The following KCNMA1 variants were observed in gnomAD, a reference collection of about 807,000 sequenced individuals.
KCNMA1 encodes potassium calcium-activated channel subfamily M alpha 1.
A neutral mutation model predicts 140.0 loss-of-function variants in KCNMA1; 29 were observed. The observed-to-expected ratio is 0.21, with a 90% CI of 0.15 to 0.28. The LOEUF is 0.28. KCNMA1 is among the 10% of genes least tolerant of loss of function. KCNMA1 has a pLI of 1.00. For synonymous variants in KCNMA1, 612 were observed against 611.9 expected, an observed-to-expected ratio of 1.00 and a Z score of 0.00; for missense variants, 880 against 1,602.2, an observed-to-expected ratio of 0.55 and a Z score of 7.70.
rs569178797 is a variant in KCNMA1, at chr10:77,607,637, G to C, written c.378+29628C>G. On this transcript the variant is annotated intron_variant, in intron 1 of 27. Transcript: ENST00000286628. Reference sequence around the variant, plus strand: ...GATGGAGCAATGTGCTTTGGATACGGAGCAGAAAGCCACAAGACTGGGGAT... The same window carrying C: ...GATGGAGCAATGTGCTTTGGATACGCAGCAGAAAGCCACAAGACTGGGGAT... Among the ~76,000 whole-genome samples, 31 of 152,208 alleles carry C rather than the reference G, an allele frequency of 2.0e-4. No individual in the cohort carries two copies. The South Asian group carries it at 3.7e-3, about 18-fold the overall frequency.
At chr10:76,973,765 T>TA (rs1222329527) in intron 19 of KCNMA1, among the ~76,000 whole-genome samples, 7 of 152,138 alleles carry the variant, frequency 4.6e-5, no homozygotes, top group Admixed American at 3.9e-4. Context: ...ACTAGATTTT[T>TA]AAAAAAAGAA....
chr10:77,083,503 A>T (rs1410133970), intron 12 of KCNMA1, among the ~76,000 whole-genome samples: 1 of 112,776 alleles, frequency 8.9e-6, no homozygotes, highest in African/African-American at 3.1e-5. Flanking sequence ...ATGTTCTGTA[A>T]AAAAAAAAAA....
rs1198675527 is a variant in KCNMA1 at position 77,110,063 on chromosome 10, G to T, written c.1131+110C>A. On this transcript the variant is annotated intron_variant, in intron 8 of 27. Coordinates refer to ENST00000286628, the MANE Select transcript of KCNMA1 (RefSeq NM_001161352.2). ...TACTTAGCCTGATTGTAACGTTAAG[G>T]CTTGCTTCTAGTGCAGAATACAGTC... The T allele has an allele frequency of 4.2e-6, 4 of 960,146 alleles. No individual in the cohort carries two copies. In the East Asian group the frequency reaches 7.4e-5, roughly 18 times the overall value. 59.5% of individuals were successfully genotyped at this position (960,146 alleles called of 1,614,324 possible).
chr10:76,887,167 G>A lies in KCNMA1; in HGVS notation c.*99C>T. 1 of 1,611,476 alleles carries A rather than the reference G, an allele frequency of 6.2e-7. No homozygotes were observed. Among genetic ancestry groups the A allele is most frequent in the Non-Finnish European group, 8.5e-7 (1 of 1,179,728 alleles). ...CAAATATGTGTAAAAAAAAAGGGGG[G>A]GACTACAGGGGAAAACAGGGAAAGT... On this transcript the variant is annotated 3_prime_UTR_variant, in exon 28 of 28. Coordinates refer to ENST00000286628, the MANE Select transcript of KCNMA1 (RefSeq NM_001161352.2).
intron 9 of KCNMA1, among the ~76,000 whole-genome samples, chr10:77,096,671 T>C (rs1273034312): frequency 1.3e-5 from 2 of 152,200 alleles, no homozygotes; most frequent in Non-Finnish European, 2.9e-5. Context: ...CAGAGCTATC[T>C]TGTCACAATA....
chr10:76,917,252 T>C (rs937440703), intron 23 of KCNMA1, among the ~76,000 whole-genome samples: 1 of 152,340 alleles, frequency 6.6e-6, no homozygotes, highest in Admixed American at 6.5e-5. Flanking sequence ...AAATCGGTAA[T>C]GCTATATGCA....
chr10:77,563,705 T>C (rs528911692), intron 1 of KCNMA1, among the ~76,000 whole-genome samples: 8 of 152,300 alleles, frequency 5.3e-5, no homozygotes, highest in African/African-American at 1.2e-4. Flanking sequence ...TCCGGAATTC[T>C]AGCCACAGAT....
chr10:77,186,777 ATGTGTG>A (rs10594438), intron 3 of KCNMA1, among the ~76,000 whole-genome samples: 5,082 of 145,048 alleles, frequency 0.035, 216 homozygotes, highest in African/African-American at 0.1. Flanking sequence ...TAAAGAGTAA[ATGTGTG>A]TGTGTGTGTG....
At chr10:77,590,081 G>C (rs1314217696) in intron 1 of KCNMA1, among the ~76,000 whole-genome samples, 6 of 152,180 alleles carry the variant, frequency 3.9e-5, no homozygotes, top group Non-Finnish European at 8.8e-5. Context: ...CAAACCCTGA[G>C]CTAGACACAG....
chr10:77,529,178 G>A (rs188118405), intron 1 of KCNMA1, among the ~76,000 whole-genome samples: 2 of 152,206 alleles, frequency 1.3e-5, no homozygotes, highest in East Asian at 3.9e-4. Context: ...AGGCAAAAGG[G>A]TTGAGGGCAT....
chr10:77,615,657 C>T (rs2089158544), intron 1 of KCNMA1, among the ~76,000 whole-genome samples: 1 of 152,150 alleles, frequency 6.6e-6, no homozygotes, highest in Non-Finnish European at 1.5e-5. Flanking sequence ...CCCTCTCCCT[C>T]GTCCTTCCTA....
intron 1 of KCNMA1, among the ~76,000 whole-genome samples, chr10:77,598,763 G>A (rs1367901395): frequency 6.6e-6 from 1 of 152,094 alleles, no homozygotes; most frequent in Non-Finnish European, 1.5e-5. Context: ...TCCCTGCCCC[G>A]CATCCAGTGC....
At chr10:77,008,779 C>G (rs1404117948) in intron 18 of KCNMA1, among the ~76,000 whole-genome samples, 1 of 152,164 alleles carries the variant, frequency 6.6e-6, no homozygotes, top group African/African-American at 2.4e-5. Context: ...CACGTTTGGA[C>G]AGATGAGTAT....
chr10:77,330,071 G>T (rs928155289), intron 2 of KCNMA1, among the ~76,000 whole-genome samples: 1 of 152,072 alleles, frequency 6.6e-6, no homozygotes, highest in Non-Finnish European at 1.5e-5. Flanking sequence ...CCCTTTCTTT[G>T]TACTGTTTCT....
At chr10:76,948,927 A>G (rs2065244085) in intron 22 of KCNMA1, 8 of 612,560 alleles carry the variant, frequency 1.3e-5, no homozygotes, top group Non-Finnish European at 2.3e-5. Flanking sequence ...TTCATCCCTG[A>G]TGAGGGACTG....
chr10:77,048,282 C>T (rs907919396), intron 14 of KCNMA1, among the ~76,000 whole-genome samples: 5 of 152,146 alleles, frequency 3.3e-5, no homozygotes, highest in East Asian at 1.9e-4. Flanking sequence ...TAACTCGTCA[C>T]GGATGAGTAT....
At chr10:77,566,917 G>A (rs1024315421) in intron 1 of KCNMA1, among the ~76,000 whole-genome samples, 2 of 152,106 alleles carry the variant, frequency 1.3e-5, no homozygotes, top group Admixed American at 1.3e-4. Flanking sequence ...AATGAAAAGA[G>A]GAAAAGAGAG....
chr10:77,294,791 C>G (rs1353848565), intron 2 of KCNMA1, among the ~76,000 whole-genome samples: 1 of 151,826 alleles, frequency 6.6e-6, no homozygotes, highest in African/African-American at 2.4e-5. Context: ...TGGTGCCACA[C>G]GCCTGTAATC....
chr10:77,515,819 C>T (rs1367536717), intron 1 of KCNMA1, among the ~76,000 whole-genome samples: 2 of 152,198 alleles, frequency 1.3e-5, no homozygotes, highest in East Asian at 1.9e-4. Flanking sequence ...GCCCCTCCCT[C>T]CAGCCCCTGG....
Sources: gnomAD v4.1 joint callset for allele counts (sites outside exome capture counted in the v4.1 genomes callset) on GRCh38, gnomAD v4.1.1 for gene constraint, MANE v1.5 for transcripts, NCBI Gene and HGNC (gene_info 2026-07-23, HGNC 2026-07-21) for gene names.